The following CSMD3 variants were observed in gnomAD, a reference collection of about 807,000 sequenced individuals.
CSMD3 encodes the protein CUB and sushi domain-containing protein 3.
In CSMD3, 177 loss-of-function variants were observed where a neutral mutation model predicts 435.2. The observed-to-expected ratio is 0.41, with a 90% CI of 0.36 to 0.46. The LOEUF (loss-of-function observed/expected upper bound fraction) is 0.46, where lower values mean the gene tolerates loss of function less well. CSMD3 is among the 20% of genes least tolerant of loss of function. The probability of loss-of-function intolerance (pLI) is 0.34; values close to 1 mark genes in which losing one functional copy is unlikely to be tolerated. For synonymous variants in CSMD3, 1,656 were observed against 1,520.5 expected (o/e 1.09, Z -2.07); for missense variants, 4,265 against 4,504.6 (o/e 0.95, Z 1.52).
intron 32 of CSMD3, among the ~76,000 whole-genome samples, chr8:112,424,207 A>G (rs953180166): frequency 2.0e-5 from 3 of 152,192 alleles, no homozygotes; most frequent in Admixed American, 6.5e-5. Context: ...GCCCAGATCG[A>G]CGGCCAATAG....
intron 6 of CSMD3, among the ~76,000 whole-genome samples, chr8:113,017,102 T>C (rs905287042): frequency 2.0e-5 from 3 of 151,992 alleles, no homozygotes; most frequent in Non-Finnish European, 2.9e-5. Context: ...GTTATATCGA[T>C]ATAAATCCCA....
chr8:112,660,946 CA>C (rs1482921676), intron 17 of CSMD3, among the ~76,000 whole-genome samples: 2 of 152,092 alleles, frequency 1.3e-5, no homozygotes, highest in African/African-American at 4.8e-5. Flanking sequence ...GCACGGTTGA[CA>C]AGTCCAGCTT....
chr8:112,646,986 A>G (rs1006462211), intron 19 of CSMD3, among the ~76,000 whole-genome samples: 1 of 146,128 alleles, frequency 6.8e-6, no homozygotes, highest in Non-Finnish European at 1.5e-5. Context: ...TATTCTGCAG[A>G]TTTTATTTAT....
Position 112,734,295 on chromosome 8 carries a change from A to G in CSMD3, c.1973-44245T>C, listed in dbSNP as rs529273375. On this transcript the variant is annotated intron_variant, in intron 13 of 70. Coordinates refer to ENST00000297405, the MANE Select transcript of CSMD3 (RefSeq NM_198123.2). ...AGAGGAAGGGAGAGAGAGAGAAAAG[A>G]GGGAGAGAGGAGGATGTTAAATTTC... Among the ~76,000 whole-genome samples, 3 of 151,868 alleles carry G rather than the reference A, an allele frequency of 2.0e-5. No individual in the cohort carries two copies. The East Asian group carries it at 5.8e-4, about 29-fold the overall frequency.
chr8:112,451,535 A>G (rs1349416477), intron 32 of CSMD3, among the ~76,000 whole-genome samples: 1 of 151,928 alleles, frequency 6.6e-6, no homozygotes, highest in East Asian at 1.9e-4. Context: ...AAGTACAAAT[A>G]ATCTTCTCTT....
intron 2 of CSMD3, among the ~76,000 whole-genome samples, chr8:113,294,680 T>G (rs1254960905): frequency 6.6e-6 from 1 of 152,146 alleles, no homozygotes; most frequent in Non-Finnish European, 1.5e-5. Context: ...AACTTATTGC[T>G]TATTAATAGA....
intron 4 of CSMD3, among the ~76,000 whole-genome samples, chr8:113,108,972 C>T (rs957485558): frequency 2.6e-5 from 4 of 152,116 alleles, no homozygotes; most frequent in African/African-American, 9.7e-5. Flanking sequence ...AGAGCTAAGT[C>T]TAACTCAAAC....
chr8:113,151,017 A>G (rs145655924), intron 4 of CSMD3, among the ~76,000 whole-genome samples: 250 of 152,128 alleles, frequency 1.6e-3, no homozygotes, highest in African/African-American at 5.9e-3. Context: ...AAAAATTAAA[A>G]GATATCTTTT....
intron 4 of CSMD3, among the ~76,000 whole-genome samples, chr8:113,165,630 A>G (rs1402570452): frequency 6.6e-6 from 1 of 152,156 alleles, no homozygotes; most frequent in African/African-American, 2.4e-5. Flanking sequence ...AAATCATTCC[A>G]TCGAAGAAAT....
intron 13 of CSMD3, among the ~76,000 whole-genome samples, chr8:112,752,557 T>C (rs1255977309): frequency 6.6e-6 from 1 of 152,156 alleles, no homozygotes; most frequent in East Asian, 1.9e-4. Flanking sequence ...TATCATCATA[T>C]TGCAAAGTGA....
At chr8:112,927,265 A>G (rs1451525630) in intron 9 of CSMD3, among the ~76,000 whole-genome samples, 2 of 150,350 alleles carry the variant, frequency 1.3e-5, no homozygotes, top group Non-Finnish European at 3.0e-5. Flanking sequence ...TAGCAAAAAA[A>G]AAGTGAAAAC....
chr8:112,566,023 A>G (rs1289065573), intron 24 of CSMD3, among the ~76,000 whole-genome samples: 1 of 149,598 alleles, frequency 6.7e-6, no homozygotes, highest in East Asian at 2.0e-4. Context: ...TTGCACTAAC[A>G]TTATTTCTCT....
chr8:112,661,821 A>AAAT (rs559489868), intron 17 of CSMD3, among the ~76,000 whole-genome samples: 2 of 152,010 alleles, frequency 1.3e-5, no homozygotes, highest in African/African-American at 4.8e-5. Context: ...GTTTGATAAA[A>AAAT]AATAATAATA....
At chr8:113,146,212 G>A (rs1284958643) in intron 4 of CSMD3, among the ~76,000 whole-genome samples, 3 of 151,448 alleles carry the variant, frequency 2.0e-5, no homozygotes, top group Non-Finnish European at 4.4e-5. Flanking sequence ...GTTTCCTCTT[G>A]TCAAATATCC....
Position 112,890,397 on chromosome 8 carries a change from TC to T in CSMD3, c.1634-31132del, listed in dbSNP as rs1342319971. 4.0e-5 allele frequency among the ~76,000 whole-genome samples: 6 copies of T among 151,822 alleles called. No homozygotes were observed. The East Asian group carries it at 1.2e-3, about 30-fold the overall frequency. On this transcript the variant is annotated intron_variant, in intron 10 of 70. Transcript: ENST00000297405. ...AAACATGAGGTAACATTACTTTTTT[TC>T]TTAACCTATAATAGATACAATTTCA...
intron 13 of CSMD3, among the ~76,000 whole-genome samples, chr8:112,780,176 A>G (rs903874980): frequency 6.6e-6 from 1 of 152,074 alleles, no homozygotes; most frequent in Admixed American, 6.6e-5. Flanking sequence ...TGACAATTAC[A>G]TATACCCTGG....
intron 26 of CSMD3, among the ~76,000 whole-genome samples, chr8:112,551,112 A>G (rs1325766681): frequency 6.6e-6 from 1 of 152,130 alleles, no homozygotes; most frequent in Non-Finnish European, 1.5e-5. Context: ...AACTTCAGGC[A>G]TACATTCTTT....
intron 40 of CSMD3, among the ~76,000 whole-genome samples, chr8:112,348,355 A>G (rs891228090): frequency 6.6e-5 from 10 of 152,180 alleles, no homozygotes; most frequent in African/African-American, 9.7e-5. Context: ...TCTAATATCT[A>G]AAATCTCACA....
intron 1 of CSMD3, among the ~76,000 whole-genome samples, chr8:113,397,798 C>T (rs977707592): frequency 1.3e-5 from 2 of 150,042 alleles, no homozygotes; most frequent in Non-Finnish European, 3.0e-5. Flanking sequence ...AGCCTGGACG[C>T]GAAGGAGCGA....
Sources: gnomAD v4.1 joint callset for allele counts (sites outside exome capture counted in the v4.1 genomes callset) on GRCh38, gnomAD v4.1.1 for gene constraint, MANE v1.5 for transcripts, NCBI Gene and HGNC (gene_info 2026-07-23, HGNC 2026-07-21) for gene names.